The following CNTNAP2 variants were observed in gnomAD, a reference collection of about 807,000 sequenced individuals.
CNTNAP2 encodes contactin-associated protein-like 2.
In CNTNAP2, 98 loss-of-function variants were observed where a neutral mutation model predicts 155.2. The observed-to-expected ratio is 0.63, with a 90% CI of 0.54 to 0.75. The LOEUF is 0.75. Among genes scored for constraint, CNTNAP2 ranks in the 30% least tolerant of loss-of-function variants. The pLI, the probability that CNTNAP2 is intolerant of heterozygous loss-of-function variation, is 0.00. For missense variants in CNTNAP2, 1,727 were observed against 1,688.1 expected (o/e 1.02, Z -0.40); for synonymous variants, 651 against 631.2 (o/e 1.03, Z -0.47).
intron 1 of CNTNAP2, among the ~76,000 whole-genome samples, chr7:146,295,821 C>T (rs540267893): frequency 3.6e-4 from 54 of 149,880 alleles, no homozygotes; most frequent in African/African-American, 1.3e-3. Context: ...ACCTCGTAAA[C>T]TTTATTGCAC....
At chr7:146,240,431 GAGA>G (rs1238853544) in intron 1 of CNTNAP2, among the ~76,000 whole-genome samples, 4 of 151,790 alleles carry the variant, frequency 2.6e-5, no homozygotes, top group East Asian at 1.9e-4. Flanking sequence ...TCTTTTTTCA[GAGA>G]AGAAGCATTC....
intron 8 of CNTNAP2, among the ~76,000 whole-genome samples, chr7:147,285,511 G>GA (rs1164450370): frequency 6.6e-6 from 1 of 151,766 alleles, no homozygotes; most frequent in Non-Finnish European, 1.5e-5. Context: ...TAAACATTTA[G>GA]AAAAAATGAG....
intron 10 of CNTNAP2, among the ~76,000 whole-genome samples, chr7:147,398,550 T>A (rs1203851330): frequency 6.6e-6 from 1 of 150,952 alleles, no homozygotes; most frequent in African/African-American, 2.4e-5. Context: ...TCTGAAGGTG[T>A]TTTTCTGTGT....
intron 1 of CNTNAP2, among the ~76,000 whole-genome samples, chr7:146,138,346 T>G (rs1797827313): frequency 6.6e-6 from 1 of 152,140 alleles, no homozygotes; most frequent in African/African-American, 2.4e-5. Context: ...GGTTTTTATC[T>G]CAAGATTTTT....
At chr7:146,143,789 G>C (rs955216071) in intron 1 of CNTNAP2, among the ~76,000 whole-genome samples, 1 of 151,134 alleles carries the variant, frequency 6.6e-6, no homozygotes, top group Admixed American at 6.6e-5. Flanking sequence ...TTGAAATGGA[G>C]TCTCCTTCTG....
chr7:146,734,754 A>G (rs531862090), intron 1 of CNTNAP2, among the ~76,000 whole-genome samples: 3 of 152,210 alleles, frequency 2.0e-5, no homozygotes, highest in Non-Finnish European at 4.4e-5. Context: ...ATGCTTCATA[A>G]TTCTGAAACT....
At chr7:147,131,026 GTA>G (rs1267865158) in intron 7 of CNTNAP2, among the ~76,000 whole-genome samples, 15 of 114,714 alleles carry the variant, frequency 1.3e-4, no homozygotes, top group African/African-American at 2.1e-4. Context: ...TCAGCATCAG[GTA>G]TATATATATA....
At chr7:147,349,130 A>T (rs13224292) in intron 9 of CNTNAP2, among the ~76,000 whole-genome samples, 34,632 of 151,830 alleles carry the variant, frequency 0.23, 4,344 homozygotes, top group Non-Finnish European at 0.28. Context: ...TAAAAAGAGG[A>T]TATTCAACAT....
At chr7:146,735,708 T>G (rs987023476) in intron 1 of CNTNAP2, among the ~76,000 whole-genome samples, 1 of 152,182 alleles carries the variant, frequency 6.6e-6, no homozygotes, top group Non-Finnish European at 1.5e-5. Flanking sequence ...TATATACATA[T>G]GCATATATAT....
At chr7:147,787,534 T>C (rs1563089151) in intron 13 of CNTNAP2, among the ~76,000 whole-genome samples, 2 of 152,256 alleles carry the variant, frequency 1.3e-5, no homozygotes, top group African/African-American at 2.4e-5. Flanking sequence ...TTTTTAGCTG[T>C]TTTTGTATTC....
Position 146,689,669 on chromosome 7 carries a change from A to G in CNTNAP2, c.98-84602A>G, listed in dbSNP as rs946117716. On this transcript the variant is annotated intron_variant, in intron 1 of 23. Transcript: ENST00000361727. ...CACGCATGTCTGATGAAATATAACA[A>G]ATTGAACAGAGGTGCCATTATTAAA... 5.3e-5 allele frequency among the ~76,000 whole-genome samples: 8 copies of G among 152,174 alleles called. No individual in the cohort carries two copies. In the East Asian group the frequency reaches 1.5e-3, roughly 29 times the overall value.
chr7:146,692,864 T>G (rs539656535), intron 1 of CNTNAP2, among the ~76,000 whole-genome samples: 4 of 152,108 alleles, frequency 2.6e-5, no homozygotes, highest in Non-Finnish European at 5.9e-5. Context: ...GATGCTACAA[T>G]AAAGCAAACC....
chr7:146,890,080 C>T (rs1795745449), intron 3 of CNTNAP2, among the ~76,000 whole-genome samples: 1 of 152,082 alleles, frequency 6.6e-6, no homozygotes, highest in East Asian at 1.9e-4. Context: ...CCACAGCATC[C>T]CTTATCTTCC....
At chr7:147,802,746 G>A (rs1034498011) in intron 13 of CNTNAP2, among the ~76,000 whole-genome samples, 6 of 146,604 alleles carry the variant, frequency 4.1e-5, no homozygotes, top group African/African-American at 1.0e-4. Context: ...GCTTCCGCTC[G>A]GCATCAGAGG....
chr7:147,210,959 T>C (rs1803133471), intron 8 of CNTNAP2, among the ~76,000 whole-genome samples: 1 of 151,918 alleles, frequency 6.6e-6, no homozygotes, highest in Non-Finnish European at 1.5e-5. Flanking sequence ...TGATTTAGAT[T>C]TTTTTGTATT....
intron 4 of CNTNAP2, among the ~76,000 whole-genome samples, chr7:147,068,547 T>C (rs924298525): frequency 2.6e-4 from 40 of 152,170 alleles, no homozygotes; most frequent in African/African-American, 9.6e-4. Flanking sequence ...TTAGTAGAGA[T>C]GGGGTTTCAC....
At chr7:146,936,971 T>A (rs534148725) in intron 3 of CNTNAP2, among the ~76,000 whole-genome samples, 67 of 152,348 alleles carry the variant, frequency 4.4e-4, no homozygotes, top group Non-Finnish European at 5.7e-4. Context: ...TAAAATGTGT[T>A]CATGAACATG....
intron 9 of CNTNAP2, among the ~76,000 whole-genome samples, chr7:147,394,807 TTGTGTGTGTGTGTGTGTG>T (rs61695156): frequency 2.2e-5 from 3 of 139,286 alleles, no homozygotes; most frequent in Non-Finnish European, 4.7e-5. Flanking sequence ...ATCAACAGTA[TTGTGTGTGTGTGTGTGTG>T]TGTGTGTGTG....
At position 146,771,461 on chromosome 7, in the gene CNTNAP2, G is replaced by A. The variant is rs770034735; in HGVS notation, c.98-2810G>A. Among the ~76,000 whole-genome samples, 42 of 152,312 alleles carry A rather than the reference G, an allele frequency of 2.8e-4. 1 individual carries two copies. Among genetic ancestry groups the A allele is most frequent in the Middle Eastern group, 3.4e-3 (1 of 294 alleles). ...GAAAGTAGGAAAATCAAGGATGTAT[G>A]TTTGTGCTCACAGCTAAACAGAAGT... On this transcript the variant is annotated intron_variant, in intron 1 of 23. Transcript: ENST00000361727.
Sources: allele counts gnomAD v4.1 joint callset (sites outside exome capture counted in the v4.1 genomes callset), GRCh38; gene constraint gnomAD v4.1.1; transcripts MANE v1.5; gene names NCBI Gene and HGNC (gene_info 2026-07-23, HGNC 2026-07-21).